The following RGS7 variants were observed in gnomAD, a reference collection of about 807,000 sequenced individuals.
RGS7 encodes the protein regulator of G-protein signaling 7.
RGS7 carries 27 observed loss-of-function variants against 81.1 expected under a neutral mutation model. That is an observed-to-expected ratio of 0.33 (90% CI 0.25 to 0.46). The LOEUF is 0.46. RGS7 is among the 20% of genes least tolerant of loss of function. The probability of loss-of-function intolerance (pLI) is 1.00; values close to 1 mark genes in which losing one functional copy is unlikely to be tolerated. For synonymous variants in RGS7, 208 were observed against 207.7 expected, an observed-to-expected ratio of 1.00 and a Z score of -0.01; for missense variants, 396 against 607.4, an observed-to-expected ratio of 0.65 and a Z score of 3.66.
intron 3 of RGS7, among the ~76,000 whole-genome samples, chr1:241,011,967 G>A (rs2058979448): frequency 6.6e-6 from 1 of 152,040 alleles, no homozygotes; most frequent in Non-Finnish European, 1.5e-5. Context: ...TAATAAAGCT[G>A]TTCTTTCTTA....
chr1:241,149,596 G>C (rs142692436), intron 2 of RGS7, among the ~76,000 whole-genome samples: 9 of 152,136 alleles, frequency 5.9e-5, no homozygotes, highest in Non-Finnish European at 1.3e-4. Flanking sequence ...CCTTTGTCCA[G>C]TAAATGGCTG....
intron 2 of RGS7, among the ~76,000 whole-genome samples, chr1:241,101,420 C>T (rs1328610647): frequency 6.6e-6 from 1 of 152,012 alleles, no homozygotes; most frequent in Non-Finnish European, 1.5e-5. Flanking sequence ...CACCTGAACC[C>T]CAGAGGCAGA....
At chr1:241,218,607 T>G (rs1208571500) in intron 2 of RGS7, among the ~76,000 whole-genome samples, 1 of 152,198 alleles carries the variant, frequency 6.6e-6, no homozygotes, top group African/African-American at 2.4e-5. Flanking sequence ...GGTTTCTGAC[T>G]CCTTAGACTT....
chr1:240,799,699 A>C (rs187196504), intron 18 of RGS7, among the ~76,000 whole-genome samples: 2 of 152,320 alleles, frequency 1.3e-5, no homozygotes, highest in African/African-American at 4.8e-5. Context: ...TATAACATCT[A>C]CCACCACAGA....
intron 9 of RGS7, among the ~76,000 whole-genome samples, chr1:240,859,837 T>C (rs958621494): frequency 9.9e-5 from 15 of 152,196 alleles, no homozygotes; most frequent in African/African-American, 3.6e-4. Context: ...CTAGTACATG[T>C]ACTCAATGCT....
chr1:240,913,196 A>C (rs933876248), intron 6 of RGS7, among the ~76,000 whole-genome samples: 49 of 152,366 alleles, frequency 3.2e-4, no homozygotes, highest in Middle Eastern at 3.4e-3. Context: ...ACCATGTTTC[A>C]GAATATTTTA....
At chr1:241,209,355 G>A (rs1215260753) in intron 2 of RGS7, among the ~76,000 whole-genome samples, 2 of 152,106 alleles carry the variant, frequency 1.3e-5, no homozygotes, top group African/African-American at 4.8e-5. Flanking sequence ...AACAAACCGC[G>A]AGCTTACCTT....
intron 2 of RGS7, among the ~76,000 whole-genome samples, chr1:241,327,142 G>GAAAAGAAAGAAAGAAAGA (rs563253403): frequency 2.1e-4 from 18 of 85,412 alleles, no homozygotes; most frequent in African/African-American, 6.7e-4. Flanking sequence ...AAGAAAGAAA[G>GAAAAGAAAGAAAGAAAGA]AAAGGAAAGA....
chr1:240,928,507 T>C lies in RGS7; in HGVS notation c.385+2210A>G, dbSNP rs370007982. On this transcript the variant is annotated intron_variant, in intron 6 of 18. Coordinates refer to ENST00000440928, the MANE Select transcript of RGS7 (RefSeq NM_001364886.1). ...CAACCTACTATAAAATGATAAAACATGTGCTTTAAATGTGAGCACTCTAAC... is the reference window on the plus strand; with the variant it reads ...CAACCTACTATAAAATGATAAAACACGTGCTTTAAATGTGAGCACTCTAAC... Among the ~76,000 whole-genome samples, 85 of 152,118 alleles carry C rather than the reference T, an allele frequency of 5.6e-4. 2 individuals carry two copies. In the South Asian group the frequency reaches 0.017, roughly 30 times the overall value.
intron 6 of RGS7, among the ~76,000 whole-genome samples, chr1:240,872,290 T>C (rs1047826586): frequency 6.6e-6 from 1 of 152,100 alleles, no homozygotes; most frequent in African/African-American, 2.4e-5. Context: ...CTTGATTCTT[T>C]GGTATAAAGA....
At chr1:240,835,185 G>GA (rs888667081) in intron 9 of RGS7, among the ~76,000 whole-genome samples, 14 of 150,986 alleles carry the variant, frequency 9.3e-5, no homozygotes, top group African/African-American at 3.2e-4. Flanking sequence ...CCACAAACTG[G>GA]AAAAAAAATA....
chr1:241,208,677 A>G (rs1276959930), intron 2 of RGS7, among the ~76,000 whole-genome samples: 2 of 152,142 alleles, frequency 1.3e-5, no homozygotes, highest in African/African-American at 4.8e-5. Flanking sequence ...TGCCAGCATC[A>G]GAAACAAGAG....
chr1:240,921,285 A>T (rs261852), intron 6 of RGS7, among the ~76,000 whole-genome samples: 98,178 of 151,800 alleles, frequency 0.65, 32,621 homozygotes, highest in African/African-American at 0.81. Context: ...AGATTGTGTA[A>T]CATCTATTAT....
intron 2 of RGS7, among the ~76,000 whole-genome samples, chr1:241,111,606 C>G (rs561858668): frequency 6.7e-6 from 1 of 149,664 alleles, no homozygotes; most frequent in African/African-American, 2.5e-5. Flanking sequence ...CAAGACCCCC[C>G]CTCTCTACAA....
intron 4 of RGS7, among the ~76,000 whole-genome samples, chr1:240,953,293 T>C (rs2148444103): frequency 6.6e-6 from 1 of 152,028 alleles, no homozygotes. Context: ...GCAGAGTAAA[T>C]TATTCTAAAG....
intron 6 of RGS7, among the ~76,000 whole-genome samples, chr1:240,888,583 A>T (rs1667760870): frequency 6.6e-6 from 1 of 152,224 alleles, no homozygotes; most frequent in East Asian, 1.9e-4. Context: ...AATAATGTGA[A>T]TAAAGTAATA....
chr1:241,080,477 C>T (rs1483918592), intron 3 of RGS7, among the ~76,000 whole-genome samples: 1 of 152,022 alleles, frequency 6.6e-6, no homozygotes, highest in Non-Finnish European at 1.5e-5. Flanking sequence ...AATAGATTAA[C>T]TACCTAGGAC....
intron 3 of RGS7, among the ~76,000 whole-genome samples, chr1:240,988,633 G>A (rs772090853): frequency 2.6e-5 from 4 of 152,140 alleles, no homozygotes; most frequent in African/African-American, 9.7e-5. Flanking sequence ...AAATATGATT[G>A]CACAGCCATT....
chr1:240,845,546 T>G (rs1156249097), intron 9 of RGS7, among the ~76,000 whole-genome samples: 1 of 152,188 alleles, frequency 6.6e-6, no homozygotes, highest in African/African-American at 2.4e-5. Flanking sequence ...CAGTCATCAT[T>G]AGGGATTTGA....
Sources: allele counts gnomAD v4.1 joint callset (sites outside exome capture counted in the v4.1 genomes callset), GRCh38; gene constraint gnomAD v4.1.1; transcripts MANE v1.5; gene names NCBI Gene and HGNC (gene_info 2026-07-23, HGNC 2026-07-21).